The following MGAT5 variants were observed in gnomAD, a reference collection of about 807,000 sequenced individuals.
MGAT5 encodes the protein alpha-1,6-mannosylglycoprotein 6-beta-N-acetylglucosaminyltransferase, also known as alpha-1,6-mannosylglycoprotein 6-beta-N-acetylglucosaminyltransferase A.
MGAT5 carries 30 observed loss-of-function variants against 94.3 expected under a neutral mutation model. The observed-to-expected ratio is 0.32, with a 90% confidence interval of 0.24 to 0.43. MGAT5 has a LOEUF of 0.43. MGAT5 is among the 20% of genes least tolerant of loss of function. The pLI is 1.00. For synonymous variants in MGAT5, 310 were observed against 322.9 expected, an observed-to-expected ratio of 0.96 and a Z score of 0.43; for missense variants, 691 against 905.5, an observed-to-expected ratio of 0.76 and a Z score of 3.04.
intron 1 of MGAT5, among the ~76,000 whole-genome samples, chr2:134,190,503 A>G (rs1329036795): frequency 2.0e-5 from 3 of 152,220 alleles, no homozygotes; most frequent in African/African-American, 7.2e-5. Flanking sequence ...TCCCTTCCCC[A>G]CCACCCAACC....
chr2:134,155,006 C>T (rs1687408129), intron 1 of MGAT5, among the ~76,000 whole-genome samples: 5 of 152,186 alleles, frequency 3.3e-5, no homozygotes, highest in Admixed American at 3.3e-4. Flanking sequence ...GGCTCAGTGA[C>T]CGCCCTGTGT....
chr2:134,196,956 T>C (rs113797894), intron 1 of MGAT5, among the ~76,000 whole-genome samples: 5 of 152,246 alleles, frequency 3.3e-5, no homozygotes, highest in African/African-American at 9.6e-5. Context: ...TTCCTAAAGT[T>C]GTGGCCTCTG....
intron 1 of MGAT5, among the ~76,000 whole-genome samples, chr2:134,148,436 G>T (rs1018856774): frequency 2.0e-5 from 3 of 152,198 alleles, no homozygotes; most frequent in African/African-American, 7.2e-5. Flanking sequence ...AGAACCATTG[G>T]TCTAAGTGTT....
At chr2:134,417,698 CT>C (rs925185214) in intron 12 of MGAT5, among the ~76,000 whole-genome samples, 3 of 152,060 alleles carry the variant, frequency 2.0e-5, no homozygotes, top group African/African-American at 7.2e-5. Context: ...TGAAGTTACT[CT>C]TTTAGTCTTT....
At chr2:134,285,604 A>G (rs1409909489) in intron 2 of MGAT5, among the ~76,000 whole-genome samples, 1 of 152,216 alleles carries the variant, frequency 6.6e-6, no homozygotes, top group African/African-American at 2.4e-5. Context: ...GACTGTAACC[A>G]GTCTGTCTTC....
At chr2:134,270,708 A>G (rs190982467) in intron 2 of MGAT5, among the ~76,000 whole-genome samples, 158 bp downstream of exon 2, 21 of 152,378 alleles carry the variant, frequency 1.4e-4, no homozygotes, top group African/African-American at 4.8e-4. Context: ...TTATTTTTTA[A>G]TAGCAGATGT....
intron 1 of MGAT5, among the ~76,000 whole-genome samples, chr2:134,135,277 C>G (rs1319723756): frequency 6.6e-6 from 1 of 152,138 alleles, no homozygotes; most frequent in Non-Finnish European, 1.5e-5. Context: ...CTGTAAGCCC[C>G]AGGGGCTTTG....
chr2:134,141,840 A>G (rs1686672851), intron 1 of MGAT5, among the ~76,000 whole-genome samples: 1 of 152,214 alleles, frequency 6.6e-6, no homozygotes, highest in Admixed American at 6.5e-5. Context: ...GGATGGGGCG[A>G]GGTCAGGAAA....
intron 6 of MGAT5, among the ~76,000 whole-genome samples, chr2:134,340,771 A>G (rs1003460226): frequency 6.6e-6 from 1 of 152,140 alleles, no homozygotes; most frequent in Non-Finnish European, 1.5e-5. Context: ...GGATTAATGG[A>G]TCTAGCTAGT....
intron 2 of MGAT5, among the ~76,000 whole-genome samples, chr2:134,300,640 CT>C (rs1012418302): frequency 5.3e-4 from 80 of 152,108 alleles, no homozygotes; most frequent in African/African-American, 1.9e-3. Flanking sequence ...GTTTTATGCA[CT>C]TTTGTAACCA....
intron 4 of MGAT5, among the ~76,000 whole-genome samples, chr2:134,332,285 A>T (rs1273323247): frequency 1.3e-5 from 2 of 152,034 alleles, no homozygotes; most frequent in East Asian, 3.9e-4. Context: ...ATAATGCCAC[A>T]TATCTACAAC....
chr2:134,262,255 T>C (rs1683386778), intron 1 of MGAT5, among the ~76,000 whole-genome samples: 1 of 152,242 alleles, frequency 6.6e-6, no homozygotes, highest in Admixed American at 6.5e-5. Context: ...TTGTTTTGTT[T>C]TGGAGATAGA....
chr2:134,237,014 T>G (rs931931062), intron 1 of MGAT5, among the ~76,000 whole-genome samples: 4 of 152,146 alleles, frequency 2.6e-5, no homozygotes, highest in African/African-American at 7.2e-5. Context: ...AATAGTAAGA[T>G]TTGATATCTT....
At position 134,448,797 on chromosome 2, in the gene MGAT5, T is replaced by C; in HGVS notation, c.2176T>C (p.Cys726Arg). Residue 726 changes from cysteine (C) to arginine (R), a missense_variant, in exon 16 of 16, where the codon TGC becomes CGC. By Grantham distance (180) the Cys-to-Arg change is radical (BLOSUM62 -3). Coordinates refer to ENST00000281923, the MANE Select transcript of MGAT5 (RefSeq NM_002410.5). ...CCCCAGGCACCAGAGGGTCTGCCCC[T>C]GCCGGGACTTCATCAAGGGCCAGGT... Reference protein sequence around the residue: ...AHPRHQRVCPCRDFIKGQVAL... With the variant: ...AHPRHQRVCPRRDFIKGQVAL... The C allele has an allele frequency of 6.2e-7, 1 of 1,614,140 alleles. No individual in the cohort carries two copies. The highest frequency in any genetic ancestry group is 8.5e-7 in the Non-Finnish European group (1 of 1,180,020).
intron 15 of MGAT5, among the ~76,000 whole-genome samples, chr2:134,445,810 C>T (rs939680932): frequency 6.6e-6 from 1 of 152,184 alleles, no homozygotes; most frequent in African/African-American, 2.4e-5. Context: ...TAGCACCATG[C>T]ACTGCCTGGA....
At chr2:134,271,914 A>T (rs1684052519) in intron 2 of MGAT5, among the ~76,000 whole-genome samples, 1 of 152,120 alleles carries the variant, frequency 6.6e-6, no homozygotes. Flanking sequence ...AGAAAATGCT[A>T]CTGGAAAGGC....
chr2:134,358,720 C>T (rs1175814211), intron 9 of MGAT5, among the ~76,000 whole-genome samples: 6 of 152,100 alleles, frequency 3.9e-5, no homozygotes, highest in African/African-American at 9.7e-5. Context: ...AAGGTCAACT[C>T]GACTTAGTAT....
At chr2:134,233,043 A>G (rs1293600892) in intron 1 of MGAT5, among the ~76,000 whole-genome samples, 1 of 152,244 alleles carries the variant, frequency 6.6e-6, no homozygotes, top group Non-Finnish European at 1.5e-5. Context: ...TAGTATAGAC[A>G]TTGATTCTTC....
chr2:134,326,823 A>G (rs957223509), intron 4 of MGAT5, among the ~76,000 whole-genome samples: 1 of 152,080 alleles, frequency 6.6e-6, no homozygotes, highest in Non-Finnish European at 1.5e-5. Context: ...GATAGGCCCT[A>G]CTGAGAAGGT....
Sources: allele counts gnomAD v4.1 joint callset (sites outside exome capture counted in the v4.1 genomes callset), GRCh38; gene constraint gnomAD v4.1.1; transcripts MANE v1.5; gene names NCBI Gene and HGNC (gene_info 2026-07-23, HGNC 2026-07-21).